Variants in WDR3 observed in about 807,000 individuals in gnomAD.
WDR3 encodes WD repeat domain 3, also known as WD repeat-containing protein 3.
In WDR3, 81 loss-of-function variants were observed where a neutral mutation model predicts 123.7. The observed-to-expected ratio is 0.65, with a 90% CI of 0.55 to 0.79. WDR3 has a LOEUF of 0.79. WDR3 is among the 30% of genes least tolerant of loss of function. The pLI is 0.00. For synonymous variants in WDR3, 390 were observed against 388.8 expected (o/e 1.00, Z -0.04); for missense variants, 1,027 against 1,123.2 (o/e 0.91, Z 1.22).
Position 117,966,468 on chromosome 1 carries a change from A to T in WDR3, c.*7021A>T. On this transcript the variant is annotated 3_prime_UTR_variant, in exon 27 of 27. Transcript: ENST00000349139. Reference sequence around the variant, plus strand: ...TAGGTGCTTTCAAAGATGAATGAAGATGCTCTTTGTCTTAATAAATTTAAC... The same window carrying T: ...TAGGTGCTTTCAAAGATGAATGAAGTTGCTCTTTGTCTTAATAAATTTAAC... 1.2e-6 allele frequency: 1 copy of T among 819,428 alleles called. No homozygotes were observed. The highest frequency in any genetic ancestry group is 1.8e-6 in the Non-Finnish European group (1 of 562,718). 50.8% of individuals were successfully genotyped at this position (819,428 alleles called of 1,614,324 possible).
In WDR3 at chr1:117,941,817, A is replaced by G; in HGVS notation, c.959A>G (p.Lys320Arg). The G allele has an allele frequency of 6.2e-7, 1 of 1,610,538 alleles. No individual in the cohort carries two copies. The highest frequency in any genetic ancestry group is 1.1e-5 in the South Asian group (1 of 90,128). Residue 320 changes from lysine (K) to arginine (R), a missense_variant, in exon 9 of 27, where the codon AAG becomes AGG. Coordinates refer to ENST00000349139, the MANE Select transcript of WDR3 (RefSeq NM_006784.3). The part of the protein sequence containing the change: ...SKKEIQKKMD[K>R]KMKKARKKAK... ...AAGGAAATTCAGAAGAAAATGGATA[A>G]GAAGATGAAGAAAGCTAGAAAGAAA... is the stretch of plus-strand genomic sequence containing the variant.
chr1:117,949,180 T>A (rs1407197415), intron 13 of WDR3, among the ~76,000 whole-genome samples: 1 of 152,168 alleles, frequency 6.6e-6, no homozygotes, highest in Non-Finnish European at 1.5e-5. Context: ...TTGTAGAGTG[T>A]TCTATCTTTT....
rs1165884458 is a variant in WDR3, at chr1:117,964,347, C to G, written c.*4900C>G. Reference sequence around the variant, plus strand: ...GCCCTTTATCTGTGTCTGACAGGTTCTCTCTAATCTATAAGCAGGGAAATA... The same window carrying G: ...GCCCTTTATCTGTGTCTGACAGGTTGTCTCTAATCTATAAGCAGGGAAATA... On this transcript the variant is annotated 3_prime_UTR_variant, in exon 27 of 27. Transcript: ENST00000349139. 1.3e-5 allele frequency: 2 copies of G among 152,706 alleles called. No homozygotes were observed. The highest frequency in any genetic ancestry group is 2.5e-5 in the African/African-American group (1 of 40,730). 9.5% of individuals were successfully genotyped at this position (152,706 alleles called of 1,614,324 possible).
rs1270148553 is a variant in WDR3, at chr1:117,959,496, C to G, written c.*49C>G. ...TTTTTCAACTTTTTCCTTTAAAGGA[C>G]TCCTAAACTAAGCACAGAAGAGTTG... On this transcript the variant is annotated 3_prime_UTR_variant, in exon 27 of 27. Transcript: ENST00000349139. 2.6e-6 allele frequency: 4 copies of G among 1,511,498 alleles called. No individual in the cohort carries two copies. In the Admixed American group the frequency reaches 9.3e-5, roughly 35 times the overall value. 93.6% of individuals were successfully genotyped at this position (1,511,498 alleles called of 1,614,324 possible). A position where few individuals can be genotyped will look rare whatever the true frequency, so the allele number is the denominator to read the frequency against.
At position 117,938,491 on chromosome 1, in the gene WDR3, C is replaced by T; in HGVS notation, c.512C>T (p.Thr171Ile). 6.2e-7 allele frequency: 1 copy of T among 1,612,718 alleles called. No individual in the cohort carries two copies. The highest frequency in any genetic ancestry group is 8.5e-7 in the Non-Finnish European group (1 of 1,179,158). Residue 171 changes from threonine (T) to isoleucine (I), a missense_variant, in exon 5 of 27, where the codon ACC (threonine) becomes ATC (isoleucine). Transcript: ENST00000349139. ...KNLLVTSGKD[T>I]MVKWWDLDTQ... ...GTTTCTTCTTTTAGTGGGAAAGATA[C>T]CATGGTGAAATGGTGGGACCTTGAT... is the stretch of plus-strand genomic sequence containing the variant.
At chr1:117,942,249 A>G (rs1651196070) in intron 9 of WDR3, among the ~76,000 whole-genome samples, 188 bp from the exon 10 acceptor site, 2 of 152,200 alleles carry the variant, frequency 1.3e-5, no homozygotes, top group South Asian at 4.1e-4. Flanking sequence ...ATACTTTATG[A>G]CATTGTAGTG....
chr1:117,943,278 G>A, intron 10 of WDR3, 118 bp from the exon 11 acceptor site: 4 of 895,834 alleles, frequency 4.5e-6, no homozygotes, highest in Non-Finnish European at 6.8e-6. Context: ...TTGAAAAATT[G>A]TTTATAGTTA....
chr1:117,953,823 G>A, intron 21 of WDR3, 184 bp from the exon 22 acceptor site: 1 of 611,118 alleles, frequency 1.6e-6, no homozygotes, highest in Non-Finnish European at 2.8e-6. Context: ...TCTCTTCCCT[G>A]TACATTAAAA....
intron 22 of WDR3, 29 bp from the exon 23 acceptor site, chr1:117,954,551 A>C: frequency 6.2e-7 from 1 of 1,607,846 alleles, no homozygotes; most frequent in Non-Finnish European, 8.5e-7. Flanking sequence ...CAGTTTTTTT[A>C]ATGACTTGAT....
intron 10 of WDR3, 133 bp from the exon 11 acceptor site, chr1:117,943,263 C>A: frequency 2.5e-6 from 2 of 800,660 alleles, no homozygotes; most frequent in Non-Finnish European, 3.9e-6. Context: ...TCAGGGCACT[C>A]TTACTTGAAA....
Position 117,933,442 on chromosome 1 carries a change from A to G in WDR3, c.123A>G (p.Val41=). Residue 41 remains valine (V), a synonymous_variant, in exon 2 of 27, where the codon GTA becomes GTG. Coordinates refer to ENST00000349139, the MANE Select transcript of WDR3 (RefSeq NM_006784.3). ...LRGEKGRYVA[V]PACEHVFIWD... ...GTGAGAAAGGACGTTATGTGGCAGT[A>G]CCAGCTTGTGAACACGTTTTCATCT... 6.2e-7 allele frequency: 1 copy of G among 1,614,224 alleles called. No homozygotes were observed. The highest frequency in any genetic ancestry group is 8.5e-7 in the Non-Finnish European group (1 of 1,180,040).
rs953011934 is a variant in WDR3 at position 117,948,595 on chromosome 1, T to G, written c.1524+89T>G. 9 of 903,574 alleles carry G rather than the reference T, an allele frequency of 1.0e-5. No individual in the cohort carries two copies. The East Asian group carries it at 2.0e-4, about 20-fold the overall frequency. 56.0% of individuals were successfully genotyped at this position (903,574 alleles called of 1,614,324 possible). On this transcript the variant is annotated intron_variant, in intron 13 of 26. Transcript: ENST00000349139. ...GTTTCTTTAAAGAAAGCCTGAGGTT[T>G]TTTTTTTTTTTTGGTCTAATCTTTA...
At chr1:117,943,278 G>T in intron 10 of WDR3, 118 bp from the exon 11 acceptor site, 1 of 895,834 alleles carries the variant, frequency 1.1e-6, no homozygotes, top group Non-Finnish European at 1.7e-6. Flanking sequence ...TTGAAAAATT[G>T]TTTATAGTTA....
intron 13 of WDR3, among the ~76,000 whole-genome samples, chr1:117,949,167 C>A (rs189395172): frequency 6.6e-6 from 1 of 152,150 alleles, no homozygotes; most frequent in Non-Finnish European, 1.5e-5. Flanking sequence ...ATAAATCTTG[C>A]ATTTGTAGAG....
At chr1:117,931,537 A>C (rs1650735236) in intron 1 of WDR3, among the ~76,000 whole-genome samples, 1 of 152,232 alleles carries the variant, frequency 6.6e-6, no homozygotes, top group Non-Finnish European at 1.5e-5. Flanking sequence ...TGAAACTATA[A>C]GGTATTCAAG....
intron 15 of WDR3, 51 bp downstream of exon 15, chr1:117,950,181 A>G (rs1651558768): frequency 3.1e-6 from 5 of 1,605,274 alleles, no homozygotes; most frequent in African/African-American, 2.7e-5. Context: ...GACTGACCTT[A>G]AGAATTTGGG....
chr1:117,939,702 A>G lies in WDR3; in HGVS notation c.675+130A>G, dbSNP rs79820011. On this transcript the variant is annotated intron_variant, in intron 6 of 26. Coordinates refer to ENST00000349139, the MANE Select transcript of WDR3 (RefSeq NM_006784.3). ...AATTCTATCACACCAATAACCTGCAACACTTAAAAAAGCTTTTCTTCCTTA... is the reference window on the plus strand; with the variant it reads ...AATTCTATCACACCAATAACCTGCAGCACTTAAAAAAGCTTTTCTTCCTTA... 4.5e-3 allele frequency: 3,846 copies of G among 863,352 alleles called. 54 individuals carry two copies. The highest frequency in any genetic ancestry group is 0.03 in the East Asian group (1,098 of 36,626). 53.5% of individuals were successfully genotyped at this position (863,352 alleles called of 1,614,324 possible). A position where few individuals can be genotyped will look rare whatever the true frequency, so the allele number is the denominator to read the frequency against.
rs1056338079 is a variant in WDR3 at position 117,960,176 on chromosome 1, A to G, written c.*729A>G. 6.6e-6 allele frequency: 1 copy of G among 151,788 alleles called. No individual in the cohort carries two copies. Among genetic ancestry groups the G allele is most frequent in the South Asian group, 2.1e-4 (1 of 4,824 alleles). 9.4% of individuals were successfully genotyped at this position (151,788 alleles called of 1,614,324 possible). A position where few individuals can be genotyped will look rare whatever the true frequency, so the allele number is the denominator to read the frequency against. On this transcript the variant is annotated 3_prime_UTR_variant, in exon 27 of 27. Transcript: ENST00000349139. ...TGTATGTGTATGTACACATACATAT[A>G]TATAGTTGACACTTGAAAAATGCAG...
intron 15 of WDR3, 74 bp from the exon 16 acceptor site, chr1:117,950,760 A>G (rs1287061987): frequency 1.7e-5 from 22 of 1,280,984 alleles, no homozygotes; most frequent in Non-Finnish European, 2.2e-5. Context: ...TTAAAGTTAT[A>G]TTTTAGACCT....
Sources: allele counts gnomAD v4.1 joint callset (sites outside exome capture counted in the v4.1 genomes callset), GRCh38; gene constraint gnomAD v4.1.1; transcripts MANE v1.5; gene names NCBI Gene and HGNC (gene_info 2026-07-23, HGNC 2026-07-21).